COG6: variants seen among roughly 807,000 people sequenced by gnomAD.
COG6 encodes the protein conserved oligomeric Golgi complex subunit 6.
Under a neutral mutation model 88.8 loss-of-function variants are expected in COG6, and 74 were observed. That is an observed-to-expected ratio of 0.83 (90% CI 0.69 to 1.01). The LOEUF is 1.01. Ranked by LOEUF, COG6 falls within the 50% of genes least tolerant of loss-of-function variation. The probability of loss-of-function intolerance (pLI) is 0.00; values close to 1 mark genes in which losing one functional copy is unlikely to be tolerated. For missense variants in COG6, 800 were observed against 797.9 expected (o/e 1.00, Z -0.03); for synonymous variants, 286 against 278.7 (o/e 1.03, Z -0.26).
chr13:39,730,660 G>A (rs967518216), intron 18 of COG6, among the ~76,000 whole-genome samples: 3 of 145,866 alleles, frequency 2.1e-5, no homozygotes, highest in African/African-American at 7.9e-5. Context: ...TGTATTCCCA[G>A]CTACTTAGGA....
Position 39,677,571 on chromosome 13 carries a change from A to G in COG6, c.532A>G (p.Ile178Val), listed in dbSNP as rs148550012. The stretch of plus-strand genomic sequence containing the variant: ...TCTCCGAGGTACAAGAGAAGGACCC[A>G]TTACTGAGGTATCCTGGCTTTCTGT... ...SLLRGTREGP[I>V]TEDFFKALGR... The change falls in exon 5 of 19, where the codon ATT (isoleucine) becomes GTT (valine). Residue 178 changes from isoleucine to valine, a missense_variant. Physicochemically the swap from Ile to Val is conservative, Grantham distance 29. Coordinates refer to ENST00000455146, the MANE Select transcript of COG6 (RefSeq NM_020751.3). 1.3e-6 allele frequency: 2 copies of G among 1,574,482 alleles called. No homozygotes were observed. The highest frequency in any genetic ancestry group is 2.7e-5 in the African/African-American group (2 of 74,104).
chr13:39,712,120 A>G (rs570539113), intron 13 of COG6, among the ~76,000 whole-genome samples: 1 of 152,272 alleles, frequency 6.6e-6, no homozygotes, highest in African/African-American at 2.4e-5. Flanking sequence ...TCGGCCTCCC[A>G]GTGCTGAGAC....
intron 18 of COG6, among the ~76,000 whole-genome samples, chr13:39,759,883 G>A (rs927900268): frequency 6.6e-6 from 1 of 152,092 alleles, no homozygotes; most frequent in Non-Finnish European, 1.5e-5. Flanking sequence ...TGTTGATAAG[G>A]CCACAAGTAT....
At chr13:39,787,460 G>A (rs1881809645) in intron 18 of COG6, among the ~76,000 whole-genome samples, 1 of 152,118 alleles carries the variant, frequency 6.6e-6, no homozygotes, top group Admixed American at 6.6e-5. Flanking sequence ...CCATTTTACA[G>A]ATGAGAAACA....
chr13:39,734,380 G>T (rs1306823401), intron 18 of COG6, among the ~76,000 whole-genome samples: 1 of 151,920 alleles, frequency 6.6e-6, no homozygotes, highest in African/African-American at 2.4e-5. Flanking sequence ...GGAACATATT[G>T]TTAAATTTCC....
chr13:39,688,275 A>G (rs927861721), intron 10 of COG6, among the ~76,000 whole-genome samples: 2 of 152,140 alleles, frequency 1.3e-5, no homozygotes, highest in South Asian at 2.1e-4. Flanking sequence ...TAAGACAATT[A>G]TCATATCTGT....
intron 18 of COG6, among the ~76,000 whole-genome samples, chr13:39,769,923 C>T (rs748913984): frequency 6.6e-6 from 1 of 152,202 alleles, no homozygotes; most frequent in Non-Finnish European, 1.5e-5. Context: ...TTCCCAGCTC[C>T]TAGAACTGTG....
rs144357244 is a variant in COG6 at position 39,688,697 on chromosome 13, T to G, written c.1009+898T>G. Among the ~76,000 whole-genome samples the G allele has an allele frequency of 1.6e-3, 249 of 152,334 alleles. 1 individual carries two copies. The highest frequency in any genetic ancestry group is 5.7e-3 in the African/African-American group (235 of 41,576). The stretch of plus-strand genomic sequence containing the variant: ...ACATCACCATATGTACTAAATGTAC[T>G]TAAAATTTTTGTCTTGATGTCAAGG... On this transcript the variant is annotated intron_variant, in intron 10 of 18. Coordinates refer to ENST00000455146, the MANE Select transcript of COG6 (RefSeq NM_020751.3).
intron 18 of COG6, among the ~76,000 whole-genome samples, chr13:39,744,130 A>G (rs181406996): frequency 6.6e-5 from 10 of 152,318 alleles, no homozygotes; most frequent in East Asian, 1.9e-4. Context: ...ATTTATGACA[A>G]ACCCACAGCC....
chr13:39,760,330 C>G (rs1880971872), intron 18 of COG6, among the ~76,000 whole-genome samples: 1 of 151,932 alleles, frequency 6.6e-6, no homozygotes, highest in South Asian at 2.1e-4. Context: ...GAAAGGACAC[C>G]AAAGATTTGA....
At chr13:39,791,221 G>A (rs1169047289) in exon 19 of COG6, 2 of 151,996 alleles carry the variant, frequency 1.3e-5, no homozygotes, top group Non-Finnish European at 2.9e-5. Context: ...TGTGATTCCT[G>A]TTAAGATGAA....
chr13:39,661,156 C>G (rs1874873906), intron 3 of COG6, among the ~76,000 whole-genome samples: 1 of 152,094 alleles, frequency 6.6e-6, no homozygotes, highest in Non-Finnish European at 1.5e-5. Flanking sequence ...CCGTAATATT[C>G]TAGAAATCTA....
At chr13:39,657,309 G>A (rs1874580327) in intron 1 of COG6, among the ~76,000 whole-genome samples, 1 of 152,228 alleles carries the variant, frequency 6.6e-6, no homozygotes, top group Admixed American at 6.5e-5. Context: ...GGGATTACAA[G>A]GCGTGAACCA....
intron 4 of COG6, among the ~76,000 whole-genome samples, chr13:39,672,786 T>A (rs1030237827): frequency 6.6e-6 from 1 of 152,086 alleles, no homozygotes; most frequent in Non-Finnish European, 1.5e-5. Context: ...GAATCATATA[T>A]GATAACTCTT....
intron 18 of COG6, among the ~76,000 whole-genome samples, chr13:39,733,825 T>C (rs1879590625): frequency 6.6e-6 from 1 of 152,224 alleles, no homozygotes; most frequent in African/African-American, 2.4e-5. Context: ...TTACTTGTTA[T>C]TGGACTCTTC....
chr13:39,668,781 C>G (rs867021312), intron 4 of COG6, among the ~76,000 whole-genome samples: 22 of 149,742 alleles, frequency 1.5e-4, no homozygotes, highest in African/African-American at 4.9e-4. Flanking sequence ...GAGCGAGACT[C>G]CGTCTCAAAA....
In COG6 at chr13:39,719,316, T is replaced by C; in HGVS notation, c.1365T>C (p.Ser455=). Residue 455 remains serine (S), a synonymous_variant, in exon 14 of 19, where the codon TCT becomes TCC. Coordinates refer to ENST00000455146, the MANE Select transcript of COG6 (RefSeq NM_020751.3). ...TLMLLREVLA[S]HDSSVVPLDA... is the part of the protein sequence containing the mutation. ...TGTTGCTGCGTGAAGTTTTAGCATCTCACGATTCTTCAGTTGTACCATTAG... is the reference window on the plus strand; with the variant it reads ...TGTTGCTGCGTGAAGTTTTAGCATCCCACGATTCTTCAGTTGTACCATTAG... 6.2e-7 allele frequency: 1 copy of C among 1,612,820 alleles called. No individual in the cohort carries two copies. The highest frequency in any genetic ancestry group is 1.7e-5 in the Admixed American group (1 of 59,856).
intron 18 of COG6, among the ~76,000 whole-genome samples, chr13:39,728,260 A>G (rs542918428): frequency 5.3e-4 from 81 of 152,334 alleles, no homozygotes; most frequent in African/African-American, 1.9e-3. Context: ...TAAACATGCG[A>G]ACAAATATTT....
chr13:39,768,050 G>T (rs1291367302), intron 18 of COG6, among the ~76,000 whole-genome samples: 1 of 152,172 alleles, frequency 6.6e-6, no homozygotes, highest in African/African-American at 2.4e-5. Flanking sequence ...AGGTGGCACT[G>T]CCAGGCACTC....
Sources: allele counts gnomAD v4.1 joint callset (sites outside exome capture counted in the v4.1 genomes callset), GRCh38; gene constraint gnomAD v4.1.1; transcripts MANE v1.5; gene names NCBI Gene and HGNC (gene_info 2026-07-23, HGNC 2026-07-21).